The following FBXL17 variants were observed in gnomAD, a reference collection of about 807,000 sequenced individuals.
FBXL17 encodes the protein F-box and leucine rich repeat protein 17.
In FBXL17, 22 loss-of-function variants were observed where a neutral mutation model predicts 66.2. The observed-to-expected ratio is 0.33, with a 90% CI of 0.24 to 0.47. FBXL17 has a LOEUF of 0.47. Ranked by LOEUF, FBXL17 falls within the 20% of genes least tolerant of loss-of-function variation. FBXL17 has a pLI of 1.00. For synonymous variants in FBXL17, 474 were observed against 400.5 expected (o/e 1.18, Z -2.19); for missense variants, 878 against 948.2 (o/e 0.93, Z 0.97).
intron 8 of FBXL17, among the ~76,000 whole-genome samples, chr5:107,864,333 TAATGTTTAAAATAA>T (rs1748214467): frequency 6.6e-6 from 1 of 152,250 alleles, no homozygotes; most frequent in African/African-American, 2.4e-5. Context: ...ACATTAGTTG[TAATGTTTAAAATAA>T]ATTAATCACC....
chr5:108,120,766 G>A (rs927962296), intron 6 of FBXL17, among the ~76,000 whole-genome samples: 15 of 152,246 alleles, frequency 9.9e-5, no homozygotes, highest in Middle Eastern at 3.4e-3. Flanking sequence ...CCAGGAGTTC[G>A]AGGTTGCAGA....
intron 6 of FBXL17, among the ~76,000 whole-genome samples, chr5:108,048,355 A>G (rs1207181449): frequency 6.6e-6 from 1 of 152,232 alleles, no homozygotes; most frequent in East Asian, 1.9e-4. Flanking sequence ...GATGAGAATC[A>G]TCGAAAAAAT....
At chr5:108,031,018 G>A (rs548479268) in intron 6 of FBXL17, among the ~76,000 whole-genome samples, 1 of 152,176 alleles carries the variant, frequency 6.6e-6, no homozygotes, top group South Asian at 2.1e-4. Context: ...AGGCCATTTG[G>A]CAACATTTGG....
chr5:108,201,690 T>C (rs1753900990), intron 5 of FBXL17, among the ~76,000 whole-genome samples: 1 of 151,988 alleles, frequency 6.6e-6, no homozygotes, highest in South Asian at 2.1e-4. Flanking sequence ...GCTCCAAACC[T>C]GGTTTCTCTA....
intron 6 of FBXL17, among the ~76,000 whole-genome samples, chr5:108,105,750 T>G (rs1037281115): frequency 6.9e-6 from 1 of 145,132 alleles, no homozygotes; most frequent in Admixed American, 6.7e-5. Context: ...CTGATACAAC[T>G]AACTTTAACA....
At chr5:107,978,713 C>T (rs1176506345) in intron 7 of FBXL17, among the ~76,000 whole-genome samples, 2 of 152,176 alleles carry the variant, frequency 1.3e-5, no homozygotes, top group Non-Finnish European at 2.9e-5. Flanking sequence ...TTCCCTACCC[C>T]ACTGCCCACC....
intron 6 of FBXL17, among the ~76,000 whole-genome samples, chr5:108,037,185 CA>C (rs1746879525): frequency 6.6e-6 from 1 of 151,296 alleles, no homozygotes; most frequent in South Asian, 2.1e-4. Flanking sequence ...TTACAGTAAG[CA>C]AAAAAACAAC....
chr5:108,200,845 T>A (rs1753863565), intron 5 of FBXL17, among the ~76,000 whole-genome samples: 1 of 152,190 alleles, frequency 6.6e-6, no homozygotes, highest in Admixed American at 6.5e-5. Context: ...ACGTCTGGGC[T>A]AGAGAGCAAA....
At chr5:108,194,722 C>T (rs1753609967) in intron 5 of FBXL17, among the ~76,000 whole-genome samples, 1 of 152,180 alleles carries the variant, frequency 6.6e-6, no homozygotes, top group South Asian at 2.1e-4. Flanking sequence ...CATTCATTCA[C>T]ATTCATTTAA....
chr5:107,874,453 G>C (rs1009276962), intron 8 of FBXL17, among the ~76,000 whole-genome samples: 6 of 152,160 alleles, frequency 3.9e-5, no homozygotes, highest in Non-Finnish European at 8.8e-5. Flanking sequence ...ATTTAATTTT[G>C]TAACAACCCT....
At chr5:108,363,660 C>A (rs1234945988) in intron 3 of FBXL17, among the ~76,000 whole-genome samples, 4 of 151,900 alleles carry the variant, frequency 2.6e-5, no homozygotes, top group Non-Finnish European at 2.9e-5. Flanking sequence ...TCTACTTCAA[C>A]CATGACTACG....
At chr5:107,995,592 G>C (rs1753440119) in intron 7 of FBXL17, among the ~76,000 whole-genome samples, 1 of 151,908 alleles carries the variant, frequency 6.6e-6, no homozygotes, top group Non-Finnish European at 1.5e-5. Flanking sequence ...TATAACCAAA[G>C]CCAAATCAAC....
intron 3 of FBXL17, among the ~76,000 whole-genome samples, chr5:108,359,252 G>T (rs2112540005): frequency 6.6e-6 from 1 of 152,136 alleles, no homozygotes; most frequent in East Asian, 1.9e-4. Flanking sequence ...TCTTTTCGAA[G>T]AACCTAGTTT....
intron 4 of FBXL17, among the ~76,000 whole-genome samples, chr5:108,282,228 T>C (rs66855775): frequency 0.28 from 42,500 of 151,556 alleles, 6,540 homozygotes; most frequent in Middle Eastern, 0.37. Context: ...ACAAGAAAAC[T>C]ACTGACTAAT....
chr5:107,922,261 A>G (rs1272748337), intron 7 of FBXL17, among the ~76,000 whole-genome samples: 1 of 152,184 alleles, frequency 6.6e-6, no homozygotes, highest in Non-Finnish European at 1.5e-5. Context: ...TGTCTGAAAA[A>G]TCAATGTCCT....
chr5:107,888,327 G>A (rs1432621362), intron 7 of FBXL17, among the ~76,000 whole-genome samples: 1 of 152,156 alleles, frequency 6.6e-6, no homozygotes, highest in Non-Finnish European at 1.5e-5. Flanking sequence ...CTGAATGTCT[G>A]AAAATCAAGT....
intron 6 of FBXL17, among the ~76,000 whole-genome samples, chr5:108,090,183 T>C (rs527430963): frequency 6.6e-6 from 1 of 151,584 alleles, no homozygotes; most frequent in Admixed American, 6.6e-5. Context: ...ATTAGTAACA[T>C]GTATCATCAC....
intron 6 of FBXL17, among the ~76,000 whole-genome samples, chr5:108,048,887 G>C (rs1747362533): frequency 2.0e-5 from 3 of 152,112 alleles, no homozygotes. Context: ...ACATACTTCA[G>C]TACATTATCC....
intron 1 of FBXL17, among the ~76,000 whole-genome samples, chr5:108,371,320 C>G (rs749376123): frequency 1.3e-5 from 2 of 152,172 alleles, no homozygotes; most frequent in African/African-American, 2.4e-5. Context: ...TTAATTTTAT[C>G]ATAAAAGCAG....
Sources: allele counts gnomAD v4.1 joint callset (sites outside exome capture counted in the v4.1 genomes callset), GRCh38; gene constraint gnomAD v4.1.1; transcripts MANE v1.5; gene names NCBI Gene and HGNC (gene_info 2026-07-23, HGNC 2026-07-21).